The following CEP63 variants were observed in gnomAD, a reference collection of about 807,000 sequenced individuals.
CEP63 encodes centrosomal protein 63.
Under a neutral mutation model 89.1 loss-of-function variants are expected in CEP63, and 84 were observed. The observed-to-expected ratio is 0.94, with a 90% CI of 0.79 to 1.13. The LOEUF is 1.13. Among genes scored for constraint, CEP63 ranks in the 50% most tolerant of loss-of-function variants. The probability of loss-of-function intolerance (pLI) is 0.00; values close to 1 mark genes in which losing one functional copy is unlikely to be tolerated. For synonymous variants in CEP63, 267 were observed against 272.5 expected, an observed-to-expected ratio of 0.98 and a Z score of 0.20; for missense variants, 838 against 813.3, an observed-to-expected ratio of 1.03 and a Z score of -0.37.
chr3:134,594,477 G>T, the CEP63 span, among the ~76,000 whole-genome samples: 1 of 152,068 alleles, frequency 6.6e-6, no homozygotes, highest in Non-Finnish European at 1.5e-5. Flanking sequence ...CATGCTCAGG[G>T]CGGGCGGATT....
the CEP63 span, among the ~76,000 whole-genome samples, chr3:134,709,115 C>A: frequency 6.6e-6 from 1 of 152,132 alleles, no homozygotes; most frequent in East Asian, 1.9e-4. Flanking sequence ...CTTGATAGAC[C>A]TTTGGCGTAG....
At chr3:134,488,751 A>G (rs2107809892) in intron 1 of CEP63, among the ~76,000 whole-genome samples, 1 of 152,326 alleles carries the variant, frequency 6.6e-6, no homozygotes, top group South Asian at 2.1e-4. Context: ...CCTGGTGCCA[A>G]AAAGGTTGGG....
the CEP63 span, among the ~76,000 whole-genome samples, chr3:134,752,596 T>G: frequency 3.9e-5 from 6 of 152,226 alleles, no homozygotes; most frequent in South Asian, 6.2e-4. Flanking sequence ...TTATCCCCCT[T>G]GCAAATAATT....
At chr3:134,602,879 T>G in the CEP63 span, among the ~76,000 whole-genome samples, 1 of 152,218 alleles carries the variant, frequency 6.6e-6, no homozygotes, top group African/African-American at 2.4e-5. Flanking sequence ...TGCTTTGCAG[T>G]CTCCTCACAA....
the CEP63 span, among the ~76,000 whole-genome samples, chr3:134,681,276 C>T: frequency 2.0e-5 from 3 of 152,248 alleles, no homozygotes; most frequent in Non-Finnish European, 2.9e-5. Flanking sequence ...AAGTGAGGGA[C>T]GGTTGCCTGG....
chr3:134,553,840 A>G (rs750955205), intron 12 of CEP63, among the ~76,000 whole-genome samples: 1 of 152,190 alleles, frequency 6.6e-6, no homozygotes, highest in Non-Finnish European at 1.5e-5. Context: ...TTATCTTTTT[A>G]CATTCCCATG....
chr3:134,537,263 A>G lies in CEP63; in HGVS notation c.550A>G (p.Ile184Val), dbSNP rs1217625232. 3.1e-6 allele frequency: 5 copies of G among 1,591,380 alleles called. No individual in the cohort carries two copies. Among genetic ancestry groups the G allele is most frequent in the Non-Finnish European group, 3.5e-6 (4 of 1,159,308 alleles). ...RKALAEQSEIIQAQLVNRKQK... is the reference protein window; with the variant it reads ...RKALAEQSEIVQAQLVNRKQK... The stretch of plus-strand genomic sequence containing the variant: ...GGCTCTGGCTGAACAATCAGAGATA[A>G]TTCAGGTAGGCCTAAGACTTTTTAA... Residue 184 changes from isoleucine to valine, a missense_variant, in exon 6 of 15, where the codon ATT becomes GTT. Transcript: ENST00000675561.
At chr3:134,574,906 C>A in exon 12 of CEP63, 1 of 498,830 alleles carries the variant, frequency 2.0e-6, no homozygotes, top group Non-Finnish European at 3.6e-6. Flanking sequence ...CCACCACTGG[C>A]AGTTAAGAAT....
chr3:134,654,223 A>G, the CEP63 span, among the ~76,000 whole-genome samples: 2 of 152,098 alleles, frequency 1.3e-5, no homozygotes, highest in African/African-American at 4.8e-5. Context: ...TCTTGGAGAT[A>G]AGGAGGGTTC....
chr3:134,517,810 G>A (rs1946571059), intron 3 of CEP63, among the ~76,000 whole-genome samples: 1 of 152,088 alleles, frequency 6.6e-6, no homozygotes, highest in Non-Finnish European at 1.5e-5. Flanking sequence ...ATATCTCAGA[G>A]GGACATTTAT....
At chr3:134,567,077 G>A (rs1043839688), downstream of CEP63, among the ~76,000 whole-genome samples, 1 of 151,800 alleles carries the variant, frequency 6.6e-6, no homozygotes, top group African/African-American at 2.4e-5. Flanking sequence ...ATGTTATTTG[G>A]GAGCAAAAAG....
chr3:134,504,837 G>C (rs1233595217), intron 2 of CEP63, among the ~76,000 whole-genome samples: 1 of 151,704 alleles, frequency 6.6e-6, no homozygotes, highest in South Asian at 2.1e-4. Flanking sequence ...TTGTCTCATG[G>C]GGTTATTTCA....
chr3:134,627,899 T>C, the CEP63 span: 1 of 1,133,852 alleles, frequency 8.8e-7, no homozygotes, highest in South Asian at 1.3e-5. Context: ...CTTCTGGTGG[T>C]CCTTGCTTTT....
intron 3 of CEP63, among the ~76,000 whole-genome samples, chr3:134,525,108 C>T (rs1024975700): frequency 2.6e-5 from 4 of 151,984 alleles, no homozygotes; most frequent in Non-Finnish European, 4.4e-5. Flanking sequence ...GTTCAGTCTT[C>T]GGATGGTGTA....
intron 8 of CEP63, 132 bp from the exon 9 acceptor site, chr3:134,547,203 T>C (rs1953567738): frequency 1.3e-6 from 1 of 780,396 alleles, no homozygotes; most frequent in African/African-American, 1.7e-5. Flanking sequence ...AATATTCTTT[T>C]TATAAAGCAG....
chr3:134,668,308 C>T, the CEP63 span, among the ~76,000 whole-genome samples: 1 of 152,190 alleles, frequency 6.6e-6, no homozygotes, highest in South Asian at 2.1e-4. Flanking sequence ...TCTTGAGTCT[C>T]TCTGACCTAC....
the CEP63 span, among the ~76,000 whole-genome samples, chr3:134,617,252 T>A: frequency 6.6e-6 from 1 of 152,200 alleles, no homozygotes; most frequent in East Asian, 1.9e-4. Context: ...CAGAGGAAAA[T>A]AATCATGTTC....
At chr3:134,575,229 C>T (rs985962632), downstream of CEP63, among the ~76,000 whole-genome samples, 8 of 18,304 alleles carry the variant, frequency 4.4e-4, no homozygotes, top group Admixed American at 1.0e-3. Context: ...CTCCCTCCCT[C>T]CCTCCCTTCC....
At chr3:134,686,736 G>A in the CEP63 span, among the ~76,000 whole-genome samples, 4 of 152,142 alleles carry the variant, frequency 2.6e-5, no homozygotes, top group Admixed American at 1.3e-4. Flanking sequence ...TACCAGCAAC[G>A]GTGCTTAGTG....
Sources: gnomAD v4.1 joint callset for allele counts (sites outside exome capture counted in the v4.1 genomes callset) on GRCh38, gnomAD v4.1.1 for gene constraint, MANE v1.5 for transcripts, NCBI Gene and HGNC (gene_info 2026-07-23, HGNC 2026-07-21) for gene names.